Variants in ASIC2 observed in about 807,000 individuals in gnomAD.
ASIC2 encodes the protein acid-sensing ion channel 2.
Under a neutral mutation model 57.3 loss-of-function variants are expected in ASIC2, and 25 were observed. The ratio of observed to expected loss-of-function variants is 0.44; its 90% CI spans 0.32 to 0.61. ASIC2 has a LOEUF of 0.61. Ranked by LOEUF, ASIC2 falls within the 20% of genes least tolerant of loss-of-function variation. ASIC2 has a pLI of 0.06. For synonymous variants in ASIC2, 319 were observed against 307.5 expected (o/e 1.04, Z -0.39); for missense variants, 641 against 738.1 (o/e 0.87, Z 1.52).
At chr17:34,024,137 A>T (rs1000698186) in intron 1 of ASIC2, among the ~76,000 whole-genome samples, 1 of 152,198 alleles carries the variant, frequency 6.6e-6, no homozygotes, top group East Asian at 1.9e-4. Context: ...ACCTGGACTC[A>T]GTGTATGAAG....
chr17:33,301,800 G>T (rs947135992), intron 1 of ASIC2, among the ~76,000 whole-genome samples: 7 of 152,168 alleles, frequency 4.6e-5, no homozygotes, highest in Non-Finnish European at 8.8e-5. Flanking sequence ...GAGAGCCATT[G>T]CCATGCACTT....
At chr17:33,607,927 A>T (rs560046153) in intron 1 of ASIC2, among the ~76,000 whole-genome samples, 1 of 152,292 alleles carries the variant, frequency 6.6e-6, no homozygotes, top group Non-Finnish European at 1.5e-5. Context: ...GGAAGCCTTC[A>T]ACCTAAAGGA....
chr17:33,288,157 G>A (rs1905268990), intron 1 of ASIC2, among the ~76,000 whole-genome samples: 1 of 152,148 alleles, frequency 6.6e-6, no homozygotes, highest in African/African-American at 2.4e-5. Context: ...GTGATGACAT[G>A]TGCCTGTGTG....
At chr17:33,212,022 G>A (rs1907294189) in intron 1 of ASIC2, among the ~76,000 whole-genome samples, 1 of 152,146 alleles carries the variant, frequency 6.6e-6, no homozygotes, top group Non-Finnish European at 1.5e-5. Flanking sequence ...AGGAAGGGCA[G>A]AACTTTGCCC....
At chr17:33,425,800 C>T (rs1006317952) in intron 1 of ASIC2, among the ~76,000 whole-genome samples, 9 of 152,176 alleles carry the variant, frequency 5.9e-5, no homozygotes, top group African/African-American at 1.9e-4. Flanking sequence ...TCTGGGCATT[C>T]TGAGACATTC....
intron 1 of ASIC2, among the ~76,000 whole-genome samples, chr17:33,647,825 C>T (rs1368585429): frequency 6.6e-6 from 1 of 152,196 alleles, no homozygotes; most frequent in Non-Finnish European, 1.5e-5. Flanking sequence ...AGCCAGAGGG[C>T]TGAGGGAATT....
chr17:33,324,611 G>A (rs765268613), intron 1 of ASIC2, among the ~76,000 whole-genome samples: 1 of 152,038 alleles, frequency 6.6e-6, no homozygotes. Context: ...GCTGCTTCCC[G>A]AGGAAGCCTT....
intron 1 of ASIC2, among the ~76,000 whole-genome samples, chr17:33,277,384 G>A (rs942253259): frequency 3.9e-5 from 6 of 152,154 alleles, no homozygotes; most frequent in Non-Finnish European, 7.4e-5. Context: ...GGGTAACCTC[G>A]GGCAAGTCAA....
intron 1 of ASIC2, among the ~76,000 whole-genome samples, chr17:33,711,415 C>T (rs1275666906): frequency 6.6e-6 from 1 of 152,208 alleles, no homozygotes; most frequent in African/African-American, 2.4e-5. Context: ...GTCAAGGAGC[C>T]TCATCCTCCT....
intron 1 of ASIC2, among the ~76,000 whole-genome samples, chr17:33,149,283 T>G (rs1180790181): frequency 1.3e-5 from 2 of 152,214 alleles, no homozygotes; most frequent in Non-Finnish European, 2.9e-5. Context: ...TCCAGCTGTC[T>G]TTTTTTCTAA....
chr17:33,741,210 T>C (rs944400735), intron 1 of ASIC2, among the ~76,000 whole-genome samples: 20 of 152,230 alleles, frequency 1.3e-4, no homozygotes, highest in African/African-American at 3.9e-4. Flanking sequence ...GTACCCCTTG[T>C]TATGCCAAGA....
chr17:33,285,174 C>T (rs910618211), intron 1 of ASIC2, among the ~76,000 whole-genome samples: 5 of 152,220 alleles, frequency 3.3e-5, no homozygotes, highest in Non-Finnish European at 7.3e-5. Flanking sequence ...TGATTGATGC[C>T]TTCGTGACTG....
chr17:33,260,489 G>A (rs1229893676), intron 1 of ASIC2, among the ~76,000 whole-genome samples: 1 of 152,188 alleles, frequency 6.6e-6, no homozygotes, highest in Non-Finnish European at 1.5e-5. Context: ...GGAAAATGAT[G>A]GTCTGGTGGT....
chr17:33,085,526 A>T (rs903635721), intron 3 of ASIC2, among the ~76,000 whole-genome samples: 9 of 152,206 alleles, frequency 5.9e-5, no homozygotes, highest in African/African-American at 9.6e-5. Flanking sequence ...TTGGCTTAAC[A>T]TTATTTTTGC....
At chr17:33,126,751 A>G (rs954977680) in intron 1 of ASIC2, among the ~76,000 whole-genome samples, 5 of 151,058 alleles carry the variant, frequency 3.3e-5, no homozygotes, top group African/African-American at 1.2e-4. Context: ...GCACCACTGC[A>G]CTCCAGCCTG....
intron 1 of ASIC2, among the ~76,000 whole-genome samples, chr17:33,920,729 T>A (rs190252634): frequency 9.8e-5 from 15 of 152,292 alleles, no homozygotes; most frequent in African/African-American, 2.2e-4. Context: ...AATTATATAT[T>A]TTTTTAAAAA....
intron 1 of ASIC2, among the ~76,000 whole-genome samples, chr17:33,156,213 C>T (rs947494555): frequency 1.3e-5 from 2 of 151,580 alleles, no homozygotes; most frequent in Admixed American, 6.6e-5. Flanking sequence ...CTGCAACCTC[C>T]GCCCTGCCAG....
intron 1 of ASIC2, among the ~76,000 whole-genome samples, chr17:33,855,722 T>C (rs1027627065): frequency 6.6e-6 from 1 of 152,090 alleles, no homozygotes; most frequent in African/African-American, 2.4e-5. Flanking sequence ...TCCTGATGCA[T>C]TCTGAGGATT....
intron 2 of ASIC2, among the ~76,000 whole-genome samples, chr17:33,098,250 T>A (rs2092192121): frequency 6.6e-6 from 1 of 152,172 alleles, no homozygotes; most frequent in Non-Finnish European, 1.5e-5. Flanking sequence ...ATAGCTCACA[T>A]CAAGTCAGAA....
Sources: allele counts gnomAD v4.1 joint callset (sites outside exome capture counted in the v4.1 genomes callset), GRCh38; gene constraint gnomAD v4.1.1; transcripts MANE v1.5; gene names NCBI Gene and HGNC (gene_info 2026-07-23, HGNC 2026-07-21).